The following ADAM9 variants were observed in gnomAD, a reference collection of about 807,000 sequenced individuals.
ADAM9 encodes disintegrin and metalloproteinase domain-containing protein 9.
ADAM9 carries 54 observed loss-of-function variants against 108.1 expected under a neutral mutation model. The observed-to-expected ratio is 0.50, with a 90% confidence interval of 0.40 to 0.63. ADAM9 has a LOEUF of 0.63. Ranked by LOEUF, ADAM9 falls within the 20% of genes least tolerant of loss-of-function variation. The pLI, the probability that ADAM9 is intolerant of heterozygous loss-of-function variation, is 0.00. For missense variants in ADAM9, 830 were observed against 997.7 expected (o/e 0.83, Z 2.26); for synonymous variants, 316 against 336.0 (o/e 0.94, Z 0.65).
intron 16 of ADAM9, among the ~76,000 whole-genome samples, chr8:39,081,727 C>G (rs552424220): frequency 7.9e-5 from 12 of 152,244 alleles, no homozygotes; most frequent in Admixed American, 7.8e-4. Context: ...AGTGGTAAGG[C>G]TATCGATATT....
Position 39,101,891 on chromosome 8 carries a change from C to G in ADAM9, c.2327C>G (p.Pro776Arg). ...ATATATGCAAACAGATTTGCAGTAC[C>G]AACCTATGCAGCCAAGCAACCTCAG... The part of the protein sequence containing the change: ...VPIYANRFAV[P>R]TYAAKQPQQF... Residue 776 changes from proline to arginine, a missense_variant, in exon 21 of 22, where the codon CCA (proline) becomes CGA (arginine). This residue lies in a region of ADAM9 where 238 missense variants were observed against 235.7 expected (regional missense o/e 1.01). Transcript: ENST00000487273. 1 of 1,613,524 alleles carries G rather than the reference C, an allele frequency of 6.2e-7. No homozygotes were observed. The highest frequency in any genetic ancestry group is 8.5e-7 in the Non-Finnish European group (1 of 1,179,802).
chr8:39,043,733 G>A (rs1389936122), intron 12 of ADAM9, among the ~76,000 whole-genome samples: 2 of 151,974 alleles, frequency 1.3e-5, no homozygotes, highest in African/African-American at 4.8e-5. Flanking sequence ...TTCAAATAGT[G>A]AACATTGTAC....
chr8:39,046,682 T>TA (rs1417374656), intron 12 of ADAM9, among the ~76,000 whole-genome samples: 6 of 152,218 alleles, frequency 3.9e-5, no homozygotes, highest in African/African-American at 1.4e-4. Flanking sequence ...TGTAGAATTT[T>TA]ATCAAGTGCT....
At chr8:39,017,511 T>G in intron 6 of ADAM9, 97 bp downstream of exon 6, 1 of 1,371,202 alleles carries the variant, frequency 7.3e-7, no homozygotes, top group Non-Finnish European at 1.0e-6. Flanking sequence ...TGTTTTTTTT[T>G]CTTTTCTTAA....
At chr8:39,025,411 A>G (rs1588348666) in intron 9 of ADAM9, among the ~76,000 whole-genome samples, 1 of 152,216 alleles carries the variant, frequency 6.6e-6, no homozygotes, top group East Asian at 1.9e-4. Flanking sequence ...CTTACTCCTC[A>G]TGTTCACCCT....
In ADAM9 at chr8:39,105,084, T is replaced by A. The variant is rs1177317751; in HGVS notation, c.*1384T>A. ...TTATAATTTTAGATAAAAATTCTAG[T>A]CAAATTTTTACAGATATTATCTCAC... On this transcript the variant is annotated 3_prime_UTR_variant, in exon 22 of 22. Transcript: ENST00000487273. 1 of 405,210 alleles carries A rather than the reference T, an allele frequency of 2.5e-6. No individual in the cohort carries two copies. Among genetic ancestry groups the A allele is most frequent in the Admixed American group, 3.4e-5 (1 of 29,118 alleles). The allele number at this position is 405,210 out of a possible 1,614,324, so 25.1% of individuals were successfully genotyped here. A position where few individuals can be genotyped will look rare whatever the true frequency, so the allele number is the denominator to read the frequency against.
chr8:39,089,520 T>C (rs1002378921), intron 18 of ADAM9, among the ~76,000 whole-genome samples: 5 of 152,264 alleles, frequency 3.3e-5, no homozygotes, highest in Admixed American at 3.3e-4. Context: ...TATTCTGTAG[T>C]TATTATACCT....
chr8:39,084,455 T>C (rs772296032), intron 18 of ADAM9, among the ~76,000 whole-genome samples: 27 of 152,052 alleles, frequency 1.8e-4, no homozygotes, highest in Admixed American at 1.0e-3. Context: ...GCTTTTTTTT[T>C]CTTTGACTTA....
intron 16 of ADAM9, among the ~76,000 whole-genome samples, chr8:39,078,557 G>A (rs1220805675): frequency 2.0e-5 from 3 of 152,078 alleles, no homozygotes; most frequent in Non-Finnish European, 2.9e-5. Context: ...TGAGGTGGGC[G>A]GATCACTTGA....
chr8:39,025,912 G>A lies in ADAM9; in HGVS notation c.996+28G>A, dbSNP rs766495016. ...ACGTTGTTCTTGATGTTTAACTTTG[G>A]ATGTTTGCACTGGGACAATATCAAG... On this transcript the variant is annotated intron_variant, in intron 10 of 21. Transcript: ENST00000487273. The A allele has an allele frequency of 1.9e-6, 3 of 1,602,722 alleles. No individual in the cohort carries two copies. The African/African-American group carries it at 4.0e-5, about 21-fold the overall frequency.
intron 6 of ADAM9, among the ~76,000 whole-genome samples, chr8:39,018,078 C>G (rs1836603215): frequency 6.6e-6 from 1 of 152,172 alleles, no homozygotes; most frequent in South Asian, 2.1e-4. Flanking sequence ...ACTGCTATAG[C>G]ACTTCATGAT....
intron 12 of ADAM9, among the ~76,000 whole-genome samples, chr8:39,051,680 A>G (rs1253035001): frequency 1.3e-5 from 2 of 152,222 alleles, no homozygotes; most frequent in African/African-American, 4.8e-5. Context: ...AAATAAAATC[A>G]GACTTAATAT....
intron 6 of ADAM9, 49 bp from the exon 7 acceptor site, chr8:39,018,804 A>G (rs1295594504): frequency 3.9e-6 from 6 of 1,526,510 alleles, no homozygotes; most frequent in Non-Finnish European, 4.5e-6. Flanking sequence ...GGATGTGATC[A>G]TAGCCTTATA....
intron 15 of ADAM9, among the ~76,000 whole-genome samples, chr8:39,074,718 C>T (rs930742145): frequency 6.6e-6 from 1 of 151,948 alleles, no homozygotes; most frequent in Non-Finnish European, 1.5e-5. Flanking sequence ...TGTTATGTCA[C>T]TTAAGTCACT....
In ADAM9 at chr8:39,055,477, G is replaced by A. The variant is rs1281622575; in HGVS notation, c.1396-100G>A. 5.7e-6 allele frequency: 7 copies of A among 1,219,650 alleles called. No individual in the cohort carries two copies. The South Asian group carries it at 6.2e-5, about 11-fold the overall frequency. The allele number at this position is 1,219,650 out of a possible 1,614,324, so 75.6% of individuals were successfully genotyped here. A position where few individuals can be genotyped will look rare whatever the true frequency, so the allele number is the denominator to read the frequency against. ...TTGGGTTATTTAATCTTTTGCTATTGTTAGAATGCTTTATAGATGTAAATG... is the reference window on the plus strand; with the variant it reads ...TTGGGTTATTTAATCTTTTGCTATTATTAGAATGCTTTATAGATGTAAATG... On this transcript the variant is annotated intron_variant, in intron 13 of 21. Transcript: ENST00000487273.
At chr8:39,022,254 C>T (rs893132032) in intron 8 of ADAM9, among the ~76,000 whole-genome samples, 1 of 152,142 alleles carries the variant, frequency 6.6e-6, no homozygotes, top group Non-Finnish European at 1.5e-5. Flanking sequence ...ATGATGATAG[C>T]ATTCACTTGA....
At chr8:39,004,368 C>T (rs922187009) in intron 1 of ADAM9, among the ~76,000 whole-genome samples, 4 of 152,022 alleles carry the variant, frequency 2.6e-5, no homozygotes. Context: ...CATGTGCCAC[C>T]ATGCCCCACT....
chr8:39,099,868 C>T (rs576867452), intron 20 of ADAM9, among the ~76,000 whole-genome samples: 114 of 119,978 alleles, frequency 9.5e-4, no homozygotes, highest in African/African-American at 3.4e-3. Flanking sequence ...TTTGGGGTAT[C>T]GTGTTTGTTT....
intron 14 of ADAM9, among the ~76,000 whole-genome samples, chr8:39,069,847 A>C (rs936736129): frequency 1.3e-5 from 2 of 152,198 alleles, no homozygotes; most frequent in African/African-American, 4.8e-5. Context: ...AACTGTTGAA[A>C]ATTTCATGAA....
Sources: gnomAD v4.1 joint callset for allele counts (sites outside exome capture counted in the v4.1 genomes callset) on GRCh38, gnomAD v4.1.1 for gene constraint, gnomAD v4.1.1 regional missense constraint, MANE v1.5 for transcripts, NCBI Gene and HGNC (gene_info 2026-07-23, HGNC 2026-07-21) for gene names.